Variants in LMBRD1 observed in about 807,000 individuals in gnomAD.
LMBRD1 encodes the protein lysosomal cobalamin transport escort protein LMBD1.
Under a neutral mutation model 74.8 loss-of-function variants are expected in LMBRD1, and 64 were observed. The observed-to-expected ratio is 0.86, with a 90% CI of 0.70 to 1.05. The LOEUF (loss-of-function observed/expected upper bound fraction) is 1.05. Among genes scored for constraint, LMBRD1 ranks in the 50% least tolerant of loss-of-function variants. LMBRD1 has a pLI of 0.00. For synonymous variants in LMBRD1, 204 were observed against 216.3 expected, an observed-to-expected ratio of 0.94 and a Z score of 0.50; for missense variants, 652 against 645.9, an observed-to-expected ratio of 1.01 and a Z score of -0.10.
intron 3 of LMBRD1, among the ~76,000 whole-genome samples, chr6:69,762,459 A>C (rs1408089343): frequency 1.3e-5 from 2 of 151,644 alleles, no homozygotes; most frequent in Non-Finnish European, 2.9e-5. Flanking sequence ...CAAAAAACAA[A>C]AAAAAAAAAA....
At chr6:69,678,293 T>C (rs952321395) in intron 14 of LMBRD1, among the ~76,000 whole-genome samples, 1 of 152,070 alleles carries the variant, frequency 6.6e-6, no homozygotes, top group Non-Finnish European at 1.5e-5. Flanking sequence ...TTTATCCTCA[T>C]TGTCTTTACA....
intron 3 of LMBRD1, among the ~76,000 whole-genome samples, chr6:69,772,969 C>T (rs143467911): frequency 6.6e-6 from 1 of 152,264 alleles, no homozygotes; most frequent in African/African-American, 2.4e-5. Context: ...TCTCACACTC[C>T]TAACCTTACG....
intron 14 of LMBRD1, among the ~76,000 whole-genome samples, chr6:69,677,488 A>G (rs967893888): frequency 6.6e-6 from 1 of 152,088 alleles, no homozygotes; most frequent in Non-Finnish European, 1.5e-5. Flanking sequence ...TCCAGTTTCT[A>G]TGGTCTGCCT....
chr6:69,728,860 T>C (rs1428500818), intron 7 of LMBRD1, among the ~76,000 whole-genome samples: 2 of 152,172 alleles, frequency 1.3e-5, no homozygotes, highest in Non-Finnish European at 2.9e-5. Context: ...AAGGTGCCAC[T>C]AGGGCCACTA....
chr6:69,722,638 T>C (rs561291323), intron 7 of LMBRD1, among the ~76,000 whole-genome samples: 6 of 152,178 alleles, frequency 3.9e-5, no homozygotes, highest in Admixed American at 1.3e-4. Flanking sequence ...TAATGGGTTA[T>C]AAAATAGCAT....
chr6:69,700,727 AATG>A (rs929834488), intron 12 of LMBRD1, 35 bp downstream of exon 12: 20 of 1,321,640 alleles, frequency 1.5e-5, no homozygotes, highest in Non-Finnish European at 1.9e-5. Context: ...TCACACACAA[AATG>A]ATGAGAAAAA....
At chr6:69,781,767 A>G (rs756843532) in intron 2 of LMBRD1, among the ~76,000 whole-genome samples, 21 of 152,206 alleles carry the variant, frequency 1.4e-4, no homozygotes, top group Non-Finnish European at 2.8e-4. Context: ...CAAATTTAAT[A>G]AATGGAAAGT....
chr6:69,713,798 C>G lies in LMBRD1; in HGVS notation c.763-1G>C. On this transcript the variant is annotated splice_acceptor_variant, in intron 8 of 15. Transcript: ENST00000649934. LOFTEE classifies it high-confidence loss of function. ...CTGGCAAAGGTCGACCATCTTTGCTCTGCAAATAACAGAACAAAATAAAAG... is the reference window on the plus strand; with the variant it reads ...CTGGCAAAGGTCGACCATCTTTGCTGTGCAAATAACAGAACAAAATAAAAG... 1 of 1,613,332 alleles carries G rather than the reference C, an allele frequency of 6.2e-7. No individual in the cohort carries two copies. The highest frequency in any genetic ancestry group is 8.5e-7 in the Non-Finnish European group (1 of 1,179,508).
At chr6:69,781,520 T>TC (rs955378100) in intron 2 of LMBRD1, among the ~76,000 whole-genome samples, 1 of 152,172 alleles carries the variant, frequency 6.6e-6, no homozygotes, top group African/African-American at 2.4e-5. Flanking sequence ...TTTTCTTTTC[T>TC]CTTTTTTTTG....
At chr6:69,780,041 G>A (rs1020995903) in intron 3 of LMBRD1, among the ~76,000 whole-genome samples, 5 of 151,326 alleles carry the variant, frequency 3.3e-5, no homozygotes, top group Non-Finnish European at 7.4e-5. Flanking sequence ...CGACATGGCC[G>A]TCCCCACATA....
At chr6:69,708,992 T>C (rs1343856858) in intron 9 of LMBRD1, among the ~76,000 whole-genome samples, 4 of 152,218 alleles carry the variant, frequency 2.6e-5, no homozygotes, top group Non-Finnish European at 5.9e-5. Flanking sequence ...CCCAGCACTT[T>C]GGGAGGCTGA....
At chr6:69,790,124 T>C (rs1252043977) in intron 2 of LMBRD1, among the ~76,000 whole-genome samples, 172 bp downstream of exon 2, 1 of 152,220 alleles carries the variant, frequency 6.6e-6, no homozygotes, top group East Asian at 1.9e-4. Flanking sequence ...CTTATGTCAG[T>C]TGTAAGTCTG....
rs191621718 is a variant in LMBRD1 at position 69,788,870 on chromosome 6, A to G, written c.246+1426T>C. 2.0e-5 allele frequency among the ~76,000 whole-genome samples: 3 copies of G among 152,368 alleles called. 1 individual carries two copies. In the East Asian group the frequency reaches 5.8e-4, roughly 29 times the overall value. ...ACAAAGCTCTCTGGAACCAAACTGC[A>G]GAGCTTCAAATCCCAGCTTCAGCAC... is the stretch of plus-strand genomic sequence containing the variant. On this transcript the variant is annotated intron_variant, in intron 2 of 15. Transcript: ENST00000649934.
At chr6:69,784,580 C>A (rs1227902483) in intron 2 of LMBRD1, among the ~76,000 whole-genome samples, 1 of 152,122 alleles carries the variant, frequency 6.6e-6, no homozygotes, top group East Asian at 1.9e-4. Context: ...ACAGGGCAGG[C>A]CCCCATAACA....
Position 69,676,143 on chromosome 6 carries a change from T to G in LMBRD1, c.*15A>C. ...TATTCAGTCAGCATTATAAAACCTT[T>G]AAGACAGAAGGCTGTCAAGCAGAAT... On this transcript the variant is annotated 3_prime_UTR_variant, in exon 16 of 16. Coordinates refer to ENST00000649934, the MANE Select transcript of LMBRD1 (RefSeq NM_018368.4). 6.3e-7 allele frequency: 1 copy of G among 1,590,782 alleles called. No homozygotes were observed. Among genetic ancestry groups the G allele is most frequent in the Non-Finnish European group, 8.6e-7 (1 of 1,159,144 alleles).
chr6:69,716,696 T>A (rs1412675146), intron 8 of LMBRD1, among the ~76,000 whole-genome samples: 1 of 151,976 alleles, frequency 6.6e-6, no homozygotes, highest in African/African-American at 2.4e-5. Flanking sequence ...TACAAGATGG[T>A]ATCTAGATTT....
chr6:69,682,553 G>A (rs999810289), intron 14 of LMBRD1, among the ~76,000 whole-genome samples: 1 of 151,890 alleles, frequency 6.6e-6, no homozygotes, highest in Non-Finnish European at 1.5e-5. Flanking sequence ...TTAAAAGGGA[G>A]TACAAGGTAA....
intron 5 of LMBRD1, 61 bp downstream of exon 5, chr6:69,749,278 ATT>A (rs544323762): frequency 1.7e-6 from 2 of 1,154,882 alleles, no homozygotes; most frequent in Non-Finnish European, 2.4e-6. Context: ...TGATCCTTTT[ATT>A]TTTTTTTTCA....
chr6:69,703,083 A>C (rs1766168747), intron 9 of LMBRD1, among the ~76,000 whole-genome samples: 1 of 152,094 alleles, frequency 6.6e-6, no homozygotes, highest in African/African-American at 2.4e-5. Context: ...TCTCTTGAAA[A>C]GAGAGTGATA....
Sources: gnomAD v4.1 joint callset for allele counts (sites outside exome capture counted in the v4.1 genomes callset) on GRCh38, gnomAD v4.1.1 for gene constraint, MANE v1.5 for transcripts, NCBI Gene and HGNC (gene_info 2026-07-23, HGNC 2026-07-21) for gene names.